BAG4: variants seen among roughly 807,000 people sequenced by gnomAD.
BAG4 encodes the protein BAG family molecular chaperone regulator 4.
Under a neutral mutation model 52.1 loss-of-function variants are expected in BAG4, and 28 were observed. The ratio of observed to expected loss-of-function variants is 0.54; its 90% confidence interval spans 0.40 to 0.74. BAG4 has a LOEUF of 0.74. Ranked by LOEUF, BAG4 falls within the 30% of genes least tolerant of loss-of-function variation. BAG4 has a pLI of 0.00. For missense variants in BAG4, 525 were observed against 572.0 expected, an observed-to-expected ratio of 0.92 and a Z score of 0.84; for synonymous variants, 208 against 217.0, an observed-to-expected ratio of 0.96 and a Z score of 0.37.
chr8:38,196,128 A>G (rs1803556158), intron 2 of BAG4, among the ~76,000 whole-genome samples: 1 of 152,228 alleles, frequency 6.6e-6, no homozygotes. Flanking sequence ...TCTTTTATAA[A>G]TGATGCTGCT....
intron 1 of BAG4, 29 bp from the exon 2 acceptor site, chr8:38,192,659 G>T (rs748074382): frequency 1.3e-6 from 2 of 1,510,370 alleles, no homozygotes; most frequent in Admixed American, 1.8e-5. Flanking sequence ...ATGTTATTAA[G>T]AGTGAATTTA....
At chr8:38,204,738 C>G (rs1009716554) in intron 2 of BAG4, among the ~76,000 whole-genome samples, 1 of 151,786 alleles carries the variant, frequency 6.6e-6, no homozygotes, top group African/African-American at 2.4e-5. Flanking sequence ...GAATCACACA[C>G]TAAAGTAACA....
chr8:38,207,826 G>A, intron 3 of BAG4, 60 bp downstream of exon 3: 1 of 1,581,942 alleles, frequency 6.3e-7, no homozygotes, highest in Non-Finnish European at 8.6e-7. Context: ...TGTAAACAGT[G>A]GAAGAGCATC....
chr8:38,199,172 G>A (rs555916289), intron 2 of BAG4, among the ~76,000 whole-genome samples: 17 of 152,262 alleles, frequency 1.1e-4, no homozygotes, highest in South Asian at 1.0e-3. Context: ...TTACACCAGC[G>A]TCACCATAAA....
In BAG4 at chr8:38,192,737, C is replaced by T. The variant is rs147141531; in HGVS notation, c.320C>T (p.Ala107Val). The T allele has an allele frequency of 4.9e-5, 79 of 1,613,348 alleles. No homozygotes were observed. The highest frequency in any genetic ancestry group is 4.7e-4 in the African/African-American group (35 of 74,900). Residue 107 changes from alanine (A) to valine (V), a missense_variant, in exon 2 of 5, where the codon GCG becomes GTG. By Grantham distance (64) the Ala-to-Val change is moderately conservative. Coordinates refer to ENST00000287322, the MANE Select transcript of BAG4 (RefSeq NM_004874.4). Reference protein sequence around the residue: ...SYNSNYWNSTARSRAPYPSTY... With the variant: ...SYNSNYWNSTVRSRAPYPSTY... ...AATTCTAACTATTGGAATTCTACTG[C>T]GAGATCTAGGGCTCCTTACCCAAGT...
chr8:38,193,634 C>G (rs1004419161), intron 2 of BAG4, among the ~76,000 whole-genome samples: 16 of 150,476 alleles, frequency 1.1e-4, no homozygotes, highest in Non-Finnish European at 2.2e-4. Context: ...GGTATGATCT[C>G]AGCTCACTGC....
Position 38,207,753 on chromosome 8 carries a change from A to G in BAG4, c.620A>G (p.Tyr207Cys), listed in dbSNP as rs1429145864. ...CCTCTTAGGGGGCAGGTTCCAGGAT[A>G]TCCGCCTTCACAGGTGAGTTGTTTT... ...APPLRGQVPG[Y>C]PPSQNPGMTL... Residue 207 changes from tyrosine to cysteine, a missense_variant, in exon 3 of 5, where the codon TAT (tyrosine) becomes TGT (cysteine). Transcript: ENST00000287322. 1 of 1,614,152 alleles carries G rather than the reference A, an allele frequency of 6.2e-7. No individual in the cohort carries two copies. Among genetic ancestry groups the G allele is most frequent in the Non-Finnish European group, 8.5e-7 (1 of 1,180,018 alleles).
intron 1 of BAG4, among the ~76,000 whole-genome samples, chr8:38,192,043 CA>C (rs1803484150): frequency 6.6e-6 from 1 of 152,090 alleles, no homozygotes; most frequent in African/African-American, 2.4e-5. Context: ...AAAGCTTAGC[CA>C]TAGCACAGAG....
At chr8:38,201,826 T>A (rs1344000016) in intron 2 of BAG4, 19 of 126,542 alleles carry the variant, frequency 1.5e-4, no homozygotes, top group African/African-American at 5.2e-4. Flanking sequence ...TTATTCTGAG[T>A]GTGGAATTTA....
At chr8:38,194,360 C>T (rs570548420) in intron 2 of BAG4, among the ~76,000 whole-genome samples, 45 of 148,612 alleles carry the variant, frequency 3.0e-4, no homozygotes, top group Admixed American at 8.8e-4. Flanking sequence ...TATATAAATA[C>T]GAGATAAGAA....
chr8:38,177,427 C>CGGT (rs1270559642), intron 1 of BAG4, among the ~76,000 whole-genome samples: 5 of 152,342 alleles, frequency 3.3e-5, no homozygotes, highest in Non-Finnish European at 7.3e-5. Flanking sequence ...CTCCTGGGAG[C>CGGT]GGTGCTGGGT....
intron 1 of BAG4, among the ~76,000 whole-genome samples, chr8:38,191,079 A>G (rs1378103880): frequency 6.6e-6 from 1 of 152,166 alleles, no homozygotes; most frequent in Non-Finnish European, 1.5e-5. Context: ...TTTTTTAAAG[A>G]AGATAAAATA....
intron 2 of BAG4, among the ~76,000 whole-genome samples, chr8:38,203,634 A>C (rs1008030129): frequency 6.6e-6 from 1 of 152,012 alleles, no homozygotes; most frequent in African/African-American, 2.4e-5. Context: ...GACAAGCAAG[A>C]TGAGTAGGGC....
At chr8:38,201,250 G>C (rs531964770) in intron 2 of BAG4, among the ~76,000 whole-genome samples, 1 of 152,226 alleles carries the variant, frequency 6.6e-6, no homozygotes, top group Admixed American at 6.5e-5. Context: ...ACCTTTTTGA[G>C]GTGAGCACAT....
chr8:38,192,814 G>C lies in BAG4; in HGVS notation c.378+19G>C, dbSNP rs771867656. 5 of 1,539,352 alleles carry C rather than the reference G, an allele frequency of 3.2e-6. No individual in the cohort carries two copies. The highest frequency in any genetic ancestry group is 1.4e-5 in the African/African-American group (1 of 71,964). On this transcript the variant is annotated intron_variant, in intron 2 of 4. Coordinates refer to ENST00000287322, the MANE Select transcript of BAG4 (RefSeq NM_004874.4). ...AGGCCAGGTATGGTTTAAAAACAGA[G>C]ACTTTCTGAACTTTTTCTTAATGAA...
intron 1 of BAG4, among the ~76,000 whole-genome samples, chr8:38,184,442 G>C (rs1803328097): frequency 6.6e-6 from 1 of 151,696 alleles, no homozygotes; most frequent in African/African-American, 2.4e-5. Flanking sequence ...ACTCCAGTCT[G>C]GGTGACGGAG....
intron 3 of BAG4, among the ~76,000 whole-genome samples, chr8:38,208,451 A>G (rs1465075286): frequency 2.0e-5 from 3 of 148,726 alleles, no homozygotes; most frequent in Non-Finnish European, 4.5e-5. Context: ...CTGGGACTAC[A>G]AGCGCCCGCC....
intron 2 of BAG4, among the ~76,000 whole-genome samples, chr8:38,197,585 T>C (rs1803583224): frequency 6.6e-6 from 1 of 152,220 alleles, no homozygotes; most frequent in Admixed American, 6.5e-5. Context: ...TCTAGGATAT[T>C]ACTGTGCACT....
At chr8:38,201,297 C>G (rs750580665) in intron 2 of BAG4, among the ~76,000 whole-genome samples, 38 of 152,238 alleles carry the variant, frequency 2.5e-4, no homozygotes, top group Middle Eastern at 3.4e-3. Flanking sequence ...GGGGATTATA[C>G]ATTTATCATC....
Sources: allele counts gnomAD v4.1 joint callset (sites outside exome capture counted in the v4.1 genomes callset), GRCh38; gene constraint gnomAD v4.1.1; transcripts MANE v1.5; gene names NCBI Gene and HGNC (gene_info 2026-07-23, HGNC 2026-07-21).